INSYN2B: variants seen among roughly 807,000 people sequenced by gnomAD.
INSYN2B encodes the protein inhibitory synaptic factor family member 2B.
In INSYN2B, 16 loss-of-function variants were observed where a neutral mutation model predicts 41.2. The ratio of observed to expected loss-of-function variants is 0.39; its 90% CI spans 0.26 to 0.59. INSYN2B has a LOEUF of 0.59. INSYN2B is among the 20% of genes least tolerant of loss of function. INSYN2B has a pLI of 0.57. For missense variants in INSYN2B, 608 were observed against 646.4 expected (o/e 0.94, Z 0.64); for synonymous variants, 245 against 244.4 (o/e 1.00, Z -0.02).
At chr5:169,971,428 CTT>C (rs34124700) in intron 1 of INSYN2B, among the ~76,000 whole-genome samples, 27,360 of 135,098 alleles carry the variant, frequency 0.2, 4,976 homozygotes, top group African/African-American at 0.49. Flanking sequence ...CTCCTAGAGC[CTT>C]TTTTTTTTTT....
intron 1 of INSYN2B, among the ~76,000 whole-genome samples, chr5:169,939,295 T>A (rs1475324187): frequency 6.6e-6 from 1 of 151,288 alleles, no homozygotes; most frequent in East Asian, 2.0e-4. Flanking sequence ...GTCAGGACCC[T>A]CCCTATCACT....
chr5:169,865,790 T>A (rs905904123), intron 3 of INSYN2B, among the ~76,000 whole-genome samples: 3 of 152,168 alleles, frequency 2.0e-5, no homozygotes, highest in Admixed American at 6.5e-5. Context: ...AGACCCCATG[T>A]TGGTTTATGA....
chr5:169,868,276 T>G (rs370318507), intron 3 of INSYN2B, among the ~76,000 whole-genome samples: 14 of 152,378 alleles, frequency 9.2e-5, no homozygotes, highest in African/African-American at 3.4e-4. Flanking sequence ...TACTTCTTAT[T>G]TCTCTGAACT....
intron 1 of INSYN2B, among the ~76,000 whole-genome samples, chr5:169,967,608 A>C (rs1217424957): frequency 6.6e-6 from 1 of 152,130 alleles, no homozygotes; most frequent in African/African-American, 2.4e-5. Flanking sequence ...GAGTAAGTGG[A>C]GTCTATTTTA....
intron 1 of INSYN2B, among the ~76,000 whole-genome samples, chr5:169,968,082 G>A (rs1746102219): frequency 6.6e-6 from 1 of 152,166 alleles, no homozygotes; most frequent in South Asian, 2.1e-4. Context: ...GAAGCTTCAA[G>A]GAGAGAAAAC....
rs1041327330 is a variant in INSYN2B at position 169,971,081 on chromosome 5, G to A, written c.-919+9196C>T. Among the ~76,000 whole-genome samples, 18 of 152,102 alleles carry A rather than the reference G, an allele frequency of 1.2e-4. 1 individual carries two copies. The highest frequency in any genetic ancestry group is 2.9e-5 in the Non-Finnish European group (2 of 68,000). On this transcript the variant is annotated intron_variant, in intron 1 of 3. Coordinates refer to ENST00000377365, the MANE Select transcript of INSYN2B (RefSeq NM_001129891.3). ...GAGGGAGTCAGCAGGCAGCTAATGCGGACTGCAGAGGATGGTAATCGGGAG... is the reference window on the plus strand; with the variant it reads ...GAGGGAGTCAGCAGGCAGCTAATGCAGACTGCAGAGGATGGTAATCGGGAG...
rs191812293 is a variant in INSYN2B, at chr5:169,937,320, C to T, written c.-919+42957G>A. ...GAGAACAAGTTTGCCAACCCGTAGA[C>T]TTGGGCTGCACCTTGGATCTATGGT... On this transcript the variant is annotated intron_variant, in intron 1 of 3. Transcript: ENST00000377365. 2.0e-5 allele frequency among the ~76,000 whole-genome samples: 3 copies of T among 152,324 alleles called. No homozygotes were observed. In the East Asian group the frequency reaches 5.8e-4, roughly 29 times the overall value.
intron 1 of INSYN2B, among the ~76,000 whole-genome samples, chr5:169,956,056 G>A (rs1276335011): frequency 6.6e-6 from 1 of 150,524 alleles, no homozygotes; most frequent in Non-Finnish European, 1.5e-5. Context: ...AAAAAAAAGA[G>A]CCCAGGCTTG....
chr5:169,938,226 T>A (rs1037966416), intron 1 of INSYN2B, among the ~76,000 whole-genome samples: 1 of 139,478 alleles, frequency 7.2e-6, no homozygotes, highest in African/African-American at 2.6e-5. Flanking sequence ...TTCTTTCTTC[T>A]TTTTTTTTTT....
chr5:169,903,314 A>T (rs1463080758), intron 1 of INSYN2B, among the ~76,000 whole-genome samples: 1 of 146,086 alleles, frequency 6.8e-6, no homozygotes, highest in African/African-American at 2.5e-5. Flanking sequence ...ACAACAATAA[A>T]AAAAAAAAAA....
intron 1 of INSYN2B, among the ~76,000 whole-genome samples, chr5:169,979,193 TTC>T (rs1423954817): frequency 3.9e-5 from 6 of 152,188 alleles, no homozygotes; most frequent in Non-Finnish European, 7.3e-5. Flanking sequence ...TTTTCCAGGT[TTC>T]TGACAGGGCT....
In INSYN2B at chr5:169,862,616, C is replaced by T. The variant is rs908314165; in HGVS notation, c.*1657G>A. Among the ~76,000 whole-genome samples the T allele has an allele frequency of 1.3e-5, 2 of 152,194 alleles. No individual in the cohort carries two copies. Among genetic ancestry groups the T allele is most frequent in the African/African-American group, 4.8e-5 (2 of 41,438 alleles). ...AATTCTAACATGACGTTATATATTC[C>T]GGTCTGATTCTGTGGGCTTAAACAT... is the stretch of plus-strand genomic sequence containing the variant. On this transcript the variant is annotated 3_prime_UTR_variant, in exon 4 of 4. Transcript: ENST00000377365.
At chr5:169,880,958 G>T (rs1772607275) in intron 3 of INSYN2B, among the ~76,000 whole-genome samples, 1 of 152,224 alleles carries the variant, frequency 6.6e-6, no homozygotes, top group South Asian at 2.1e-4. Context: ...TGTTGAGGAA[G>T]AGGCAGTGTG....
intron 1 of INSYN2B, chr5:169,934,889 T>C: frequency 2.8e-6 from 1 of 355,516 alleles, no homozygotes; most frequent in Non-Finnish European, 5.6e-6. Context: ...CACCTTACAC[T>C]TGATATTTAT....
chr5:169,920,153 G>A (rs534956215), intron 1 of INSYN2B, among the ~76,000 whole-genome samples: 37 of 152,212 alleles, frequency 2.4e-4, no homozygotes, highest in African/African-American at 7.9e-4. Flanking sequence ...GGGTAACACC[G>A]TAGAAGATAG....
chr5:169,974,915 G>T (rs192967958), intron 1 of INSYN2B, among the ~76,000 whole-genome samples: 2 of 152,000 alleles, frequency 1.3e-5, no homozygotes, highest in African/African-American at 4.8e-5. Flanking sequence ...AAAAACTGGG[G>T]TATCCTGAAT....
chr5:169,978,158 T>C (rs1288621629), intron 1 of INSYN2B, among the ~76,000 whole-genome samples: 1 of 152,044 alleles, frequency 6.6e-6, no homozygotes, highest in Non-Finnish European at 1.5e-5. Context: ...TGGTATCACA[T>C]AGTAATGTTG....
At chr5:169,938,190 C>G (rs1776077116) in intron 1 of INSYN2B, among the ~76,000 whole-genome samples, 1 of 152,090 alleles carries the variant, frequency 6.6e-6, no homozygotes, top group Non-Finnish European at 1.5e-5. Context: ...TACCGCACAG[C>G]TGCCACCTTA....
chr5:169,908,508 G>T (rs1774413357), intron 1 of INSYN2B, among the ~76,000 whole-genome samples: 1 of 151,994 alleles, frequency 6.6e-6, no homozygotes, highest in South Asian at 2.1e-4. Flanking sequence ...ATAGAGAAAT[G>T]AACACAAATA....
Sources: allele counts gnomAD v4.1 joint callset (sites outside exome capture counted in the v4.1 genomes callset), GRCh38; gene constraint gnomAD v4.1.1; transcripts MANE v1.5; gene names NCBI Gene and HGNC (gene_info 2026-07-23, HGNC 2026-07-21).